LRP2: variants seen among roughly 807,000 people sequenced by gnomAD.
The protein encoded by LRP2 is LDL receptor related protein 2.
Under a neutral mutation model 531.0 loss-of-function variants are expected in LRP2, and 172 were observed. That is an observed-to-expected ratio of 0.32 (90% CI 0.29 to 0.37). The LOEUF (loss-of-function observed/expected upper bound fraction) is 0.37. LRP2 is among the 10% of genes least tolerant of loss of function. The probability of loss-of-function intolerance (pLI) is 1.00; values close to 1 mark genes in which losing one functional copy is unlikely to be tolerated. For synonymous variants in LRP2, 1,992 were observed against 2,027.6 expected (o/e 0.98, Z 0.47); for missense variants, 5,167 against 5,868.3 (o/e 0.88, Z 3.90).
chr2:169,213,881 G>A lies in LRP2; in HGVS notation c.5827-11C>T, dbSNP rs768559657. On this transcript the variant is annotated splice_polypyrimidine_tract_variant and intron_variant, in intron 35 of 78. Coordinates refer to ENST00000649046, the MANE Select transcript of LRP2 (RefSeq NM_004525.3). ...GTTTCCTCTTTCAATCTAAAGGATT[G>A]GAATTTTCATTAGTTTCATGGATTC... is the stretch of plus-strand genomic sequence containing the variant. 2.5e-6 allele frequency: 4 copies of A among 1,594,892 alleles called. No homozygotes were observed. Among genetic ancestry groups the A allele is most frequent in the Non-Finnish European group, 2.6e-6 (3 of 1,163,166 alleles).
At chr2:169,309,049 T>C (rs985436852) in intron 3 of LRP2, among the ~76,000 whole-genome samples, 16 of 152,320 alleles carry the variant, frequency 1.1e-4, no homozygotes, top group Admixed American at 5.9e-4. Context: ...TCATGTCCTT[T>C]GCCCACTTTT....
chr2:169,198,716 C>T (rs1688085587), intron 45 of LRP2, 70 bp downstream of exon 45: 5 of 1,578,636 alleles, frequency 3.2e-6, no homozygotes, highest in Non-Finnish European at 4.3e-6. Flanking sequence ...ACCCACGCTT[C>T]ATATCTTTGT....
intron 1 of LRP2, among the ~76,000 whole-genome samples, chr2:169,361,181 G>T (rs1686138431): frequency 6.6e-6 from 1 of 152,036 alleles, no homozygotes; most frequent in Admixed American, 6.6e-5. Context: ...TGGCAGCAGC[G>T]TCCCCTCTGT....
intron 35 of LRP2, among the ~76,000 whole-genome samples, chr2:169,215,742 TATCTATATAGATCATATATAGA>T (rs1227229785): frequency 1.6e-3 from 236 of 147,982 alleles, no homozygotes; most frequent in African/African-American, 4.7e-3. Context: ...ATATATTCTA[TATCTATATAGATCATATATAGA>T]ATCTATATAG....
chr2:169,352,436 T>C (rs1207852003), intron 1 of LRP2, among the ~76,000 whole-genome samples: 1 of 152,200 alleles, frequency 6.6e-6, no homozygotes, highest in Non-Finnish European at 1.5e-5. Context: ...ACAGAGTATA[T>C]TTAACTGCCA....
chr2:169,162,451 TA>T lies in LRP2; in HGVS notation c.11887+20del, dbSNP rs771254616. ...AAACCTGAGTTACTACAATGAACTA[TA>T]AAAACAAGTGTTTACTTACTGCAAC... On this transcript the variant is annotated intron_variant, in intron 63 of 78. Coordinates refer to ENST00000649046, the MANE Select transcript of LRP2 (RefSeq NM_004525.3). 132 of 1,613,852 alleles carry T rather than the reference TA, an allele frequency of 8.2e-5. No individual in the cohort carries two copies. The East Asian group carries it at 2.9e-3, about 35-fold the overall frequency.
intron 19 of LRP2, among the ~76,000 whole-genome samples, chr2:169,255,374 G>A (rs1487292389): frequency 2.0e-5 from 3 of 152,108 alleles, no homozygotes; most frequent in Admixed American, 1.3e-4. Context: ...CTTATTCCCA[G>A]AAACTCAACT....
chr2:169,263,324 G>T (rs903201056), intron 16 of LRP2, among the ~76,000 whole-genome samples: 2 of 152,030 alleles, frequency 1.3e-5, no homozygotes, highest in Non-Finnish European at 2.9e-5. Flanking sequence ...CAAAATGGGA[G>T]AAAATATTCG....
At chr2:169,208,445 A>T (rs1462865042) in intron 38 of LRP2, among the ~76,000 whole-genome samples, 1 of 151,862 alleles carries the variant, frequency 6.6e-6, no homozygotes. Context: ...ACATGCTTAT[A>T]TTTCCTTTTT....
intron 46 of LRP2, among the ~76,000 whole-genome samples, chr2:169,194,690 A>G (rs953747970): frequency 1.3e-5 from 2 of 150,204 alleles, no homozygotes; most frequent in African/African-American, 4.9e-5. Flanking sequence ...AGAAGCTGCT[A>G]TGAAAAGTGT....
intron 52 of LRP2, among the ~76,000 whole-genome samples, chr2:169,179,169 G>A (rs1362953581): frequency 1.3e-5 from 2 of 151,926 alleles, no homozygotes; most frequent in South Asian, 2.1e-4. Flanking sequence ...AGCACATCCA[G>A]CTAATTTTTG....
intron 16 of LRP2, among the ~76,000 whole-genome samples, chr2:169,266,751 C>A (rs966730384): frequency 3.3e-5 from 5 of 151,994 alleles, no homozygotes; most frequent in African/African-American, 1.2e-4. Context: ...AGATGTCTTC[C>A]CCTTTAATCA....
Position 169,246,925 on chromosome 2 carries a change from C to G in LRP2, c.2970G>C (p.Pro990=), listed in dbSNP as rs1362239349. 6.2e-7 allele frequency: 1 copy of G among 1,614,142 alleles called. No individual in the cohort carries two copies. Residue 990 remains proline, a synonymous_variant, in exon 21 of 79, where the codon CCG becomes CCC. Transcript: ENST00000649046. ...CACACACTCGCTGGAAATTTGGCACCGGGAAGCAGAAGTGGCTGCAGTCAC... is the reference window on the plus strand; with the variant it reads ...CACACACTCGCTGGAAATTTGGCACGGGGAAGCAGAAGTGGCTGCAGTCAC... The part of the protein sequence containing the change: ...PNGDCSHFCF[P]VPNFQRVCGC...
chr2:169,307,199 T>C (rs1208461313), intron 4 of LRP2, 82 bp downstream of exon 4: 2 of 934,120 alleles, frequency 2.1e-6, no homozygotes, highest in Admixed American at 3.4e-5. Context: ...TTTATGTCCA[T>C]CAACAAATCT....
intron 28 of LRP2, 69 bp from the exon 29 acceptor site, chr2:169,236,137 A>G: frequency 9.3e-7 from 1 of 1,075,214 alleles, no homozygotes; most frequent in Non-Finnish European, 1.4e-6. Flanking sequence ...GTCATTTTAA[A>G]TAATACAACA....
intron 1 of LRP2, among the ~76,000 whole-genome samples, chr2:169,333,514 AAGGGAGGG>A (rs369333591): frequency 1.5e-5 from 2 of 131,446 alleles, no homozygotes; most frequent in Admixed American, 7.8e-5. Flanking sequence ...GGAAGGAAGG[AAGGGAGGG>A]AGGGAGGGAG....
At chr2:169,273,922 T>A (rs1271711203) in intron 14 of LRP2, among the ~76,000 whole-genome samples, 1 of 152,176 alleles carries the variant, frequency 6.6e-6, no homozygotes, top group Non-Finnish European at 1.5e-5. Context: ...GTGTAAAAAC[T>A]ATTCAAAACA....
intron 1 of LRP2, among the ~76,000 whole-genome samples, chr2:169,341,322 A>T (rs1293272421): frequency 6.6e-6 from 1 of 152,168 alleles, no homozygotes; most frequent in Admixed American, 6.5e-5. Flanking sequence ...AAGTAAAAAA[A>T]AATTAAAATT....
In LRP2 at chr2:169,173,978, C is replaced by T; in HGVS notation, c.10955G>A (p.Trp3652Ter). ...ACAATCATTATCCACATCACACTTC[C>T]AGGCCTGCGGGATGCAGCGGCCATT... The part of the protein sequence containing the change: ...CANGRCIPQA[W>*]KCDVDNDCGD... Residue 3652 changes from tryptophan (W) to a stop codon, truncating the protein, a stop_gained, in exon 56 of 79, where the codon TGG becomes TAG. Coordinates refer to ENST00000649046, the MANE Select transcript of LRP2 (RefSeq NM_004525.3). LOFTEE classifies it high-confidence loss of function. The T allele has an allele frequency of 6.2e-7, 1 of 1,614,230 alleles. No individual in the cohort carries two copies. The highest frequency in any genetic ancestry group is 8.5e-7 in the Non-Finnish European group (1 of 1,180,038).
Sources: gnomAD v4.1 joint callset for allele counts (sites outside exome capture counted in the v4.1 genomes callset) on GRCh38, gnomAD v4.1.1 for gene constraint, MANE v1.5 for transcripts, NCBI Gene and HGNC (gene_info 2026-07-23, HGNC 2026-07-21) for gene names.